AMZ1: variants seen among roughly 807,000 people sequenced by gnomAD.
AMZ1 encodes the protein archaelysin family metallopeptidase 1.
AMZ1 carries 39 observed loss-of-function variants against 29.9 expected under a neutral mutation model. The ratio of observed to expected loss-of-function variants is 1.30; its 90% CI spans 1.01 to 1.70. The LOEUF (loss-of-function observed/expected upper bound fraction) is 1.70, where lower values mean the gene tolerates loss of function less well. Ranked by LOEUF, AMZ1 falls within the 40% of genes most tolerant of loss-of-function variation. The probability of loss-of-function intolerance (pLI) is 0.00; values close to 1 mark genes in which losing one functional copy is unlikely to be tolerated. For missense variants in AMZ1, 1,041 were observed against 680.6 expected (o/e 1.53, Z -5.89); for synonymous variants, 458 against 304.0 (o/e 1.51, Z -5.27).
rs1246649468 is a variant in AMZ1 at position 2,716,180 on chromosome 7, C to A, written c.*3302C>A. Reference sequence around the variant, plus strand: ...TTCTGAAGTGGCTAGAATACACACTCCCACGTCACAGCCATGCTATGATGA... The same window carrying A: ...TTCTGAAGTGGCTAGAATACACACTACCACGTCACAGCCATGCTATGATGA... On this transcript the variant is annotated 3_prime_UTR_variant, in exon 7 of 7. Transcript: ENST00000683327. The A allele has an allele frequency of 6.6e-6, 1 of 152,248 alleles. No individual in the cohort carries two copies. Among genetic ancestry groups the A allele is most frequent in the East Asian group, 1.9e-4 (1 of 5,204 alleles). The allele number at this position is 152,248 out of a possible 1,614,324, so 9.4% of individuals were successfully genotyped here.
intron 4 of AMZ1, among the ~76,000 whole-genome samples, chr7:2,746,009 G>C (rs1160874666): frequency 1.3e-5 from 2 of 152,186 alleles, no homozygotes; most frequent in Non-Finnish European, 2.9e-5. Flanking sequence ...GGAGCACTCA[G>C]ATTCATAAAG....
At chr7:2,710,192 A>C (rs1268876120) in intron 6 of AMZ1, among the ~76,000 whole-genome samples, 1 of 143,090 alleles carries the variant, frequency 7.0e-6, no homozygotes, top group Non-Finnish European at 1.5e-5. Flanking sequence ...ACTGCTGCTC[A>C]GAGGAGGCAC....
Position 2,709,087 on chromosome 7 carries a change from G to T in AMZ1, c.614G>T (p.Cys205Phe). The T allele has an allele frequency of 6.3e-7, 1 of 1,593,792 alleles. No individual in the cohort carries two copies. Among genetic ancestry groups the T allele is most frequent in the African/African-American group, 1.3e-5 (1 of 74,260 alleles). ...CATCTCTCTCCAGAAGTGGGCGTCT[G>T]CAGCTTCGCCCGGTTCTCAGGGGAA... ...KFLPGHEVGV[C>F]SFARFSGEFP... Residue 205 changes from cysteine (C) to phenylalanine (F), a missense_variant, in exon 5 of 7, where the codon TGC becomes TTC. Transcript: ENST00000683327.
chr7:2,684,797 A>T (rs1158089562), upstream of AMZ1, among the ~76,000 whole-genome samples: 2 of 151,198 alleles, frequency 1.3e-5, no homozygotes. Context: ...GGCCCTACTC[A>T]TCTGGGCTTC....
At chr7:2,702,306 T>G (rs1562366013) in intron 2 of AMZ1, 1 of 168,916 alleles carries the variant, frequency 5.9e-6, no homozygotes, top group Non-Finnish European at 1.3e-5. Flanking sequence ...CAGGCTGGCA[T>G]TTTGCAGCCA....
chr7:2,699,473 C>T (rs1180087286), intron 1 of AMZ1, among the ~76,000 whole-genome samples: 3 of 152,186 alleles, frequency 2.0e-5, no homozygotes, highest in Non-Finnish European at 2.9e-5. Flanking sequence ...TCATCTGGAT[C>T]TCGGGCCCTC....
chr7:2,704,383 T>G (rs961852212), intron 3 of AMZ1, among the ~76,000 whole-genome samples: 5 of 152,036 alleles, frequency 3.3e-5, no homozygotes, highest in Admixed American at 1.3e-4. Flanking sequence ...ACATCTATAG[T>G]CTCAGCTACT....
chr7:2,713,273 AC>A lies in AMZ1; in HGVS notation c.*397del, dbSNP rs1168477149. On this transcript the variant is annotated 3_prime_UTR_variant, in exon 7 of 7. Transcript: ENST00000683327. ...AAAAAGTTCTTTGGAGAAGCCACAG[AC>A]CACCTGTCTTCAGGCGCCTCCTTCA... The A allele has an allele frequency of 6.4e-6, 1 of 156,086 alleles. No individual in the cohort carries two copies. Among genetic ancestry groups the A allele is most frequent in the East Asian group, 1.8e-4 (1 of 5,424 alleles). 9.7% of individuals were successfully genotyped at this position (156,086 alleles called of 1,614,324 possible).
At chr7:2,743,262 G>T (rs1206898097) in intron 4 of AMZ1, among the ~76,000 whole-genome samples, 1 of 152,032 alleles carries the variant, frequency 6.6e-6, no homozygotes, top group African/African-American at 2.4e-5. Flanking sequence ...TGGCAGTTTG[G>T]GTCTCACCAA....
At chr7:2,737,710 C>T (rs762635296) in intron 4 of AMZ1, among the ~76,000 whole-genome samples, 3 of 152,224 alleles carry the variant, frequency 2.0e-5, no homozygotes, top group African/African-American at 7.2e-5. Context: ...ATCTAGTTCA[C>T]TCACTTCAAC....
downstream of AMZ1, among the ~76,000 whole-genome samples, chr7:2,720,159 C>T (rs1167828606): frequency 3.3e-5 from 5 of 152,252 alleles, no homozygotes; most frequent in African/African-American, 4.8e-5. Flanking sequence ...CCGTGCAAAG[C>T]GCGGCTCCCC....
At chr7:2,743,606 T>C (rs1790614899) in intron 4 of AMZ1, among the ~76,000 whole-genome samples, 1 of 152,132 alleles carries the variant, frequency 6.6e-6, no homozygotes, top group African/African-American at 2.4e-5. Context: ...GCTCCCAGCG[T>C]GAGCAATGCA....
At chr7:2,692,845 C>T (rs544845274) in intron 1 of AMZ1, among the ~76,000 whole-genome samples, 102 of 152,322 alleles carry the variant, frequency 6.7e-4, no homozygotes, top group African/African-American at 2.4e-3. Context: ...CCCATCTTCC[C>T]CCAATCTCGT....
chr7:2,693,135 G>C (rs1009071865), intron 1 of AMZ1, among the ~76,000 whole-genome samples: 3 of 152,230 alleles, frequency 2.0e-5, no homozygotes, highest in African/African-American at 7.2e-5. Flanking sequence ...AGTTTTTGCT[G>C]TTGTTGCCCA....
At chr7:2,702,957 A>AG in intron 3 of AMZ1, 68 bp downstream of exon 3, 6 of 1,489,686 alleles carry the variant, frequency 4.0e-6, no homozygotes, top group Non-Finnish European at 4.4e-6. Flanking sequence ...GGTGGGAGGA[A>AG]GGCGCCCAGG....
At chr7:2,732,627 T>C (rs798530) in intron 4 of AMZ1, among the ~76,000 whole-genome samples, 88,210 of 152,044 alleles carry the variant, frequency 0.58, 25,825 homozygotes, top group Admixed American at 0.63. Context: ...GGCAGCTTCT[T>C]GCCAAAACAC....
At chr7:2,743,887 C>G (rs532031107) in intron 4 of AMZ1, among the ~76,000 whole-genome samples, 2 of 152,034 alleles carry the variant, frequency 1.3e-5, no homozygotes, top group Non-Finnish European at 2.9e-5. Context: ...GCACCTGGCT[C>G]GGAGGGTCCT....
intron 4 of AMZ1, among the ~76,000 whole-genome samples, chr7:2,726,419 G>C (rs904047515): frequency 6.6e-6 from 1 of 152,196 alleles, no homozygotes; most frequent in East Asian, 1.9e-4. Context: ...CTGGGACATG[G>C]AGAAACCTGT....
rs951507802 is a variant in AMZ1 at position 2,713,586 on chromosome 7, C to T, written c.*708C>T. The T allele has an allele frequency of 8.5e-5, 13 of 152,558 alleles. No individual in the cohort carries two copies. The highest frequency in any genetic ancestry group is 3.1e-4 in the African/African-American group (13 of 41,462). 9.5% of individuals were successfully genotyped at this position (152,558 alleles called of 1,614,324 possible). A position where few individuals can be genotyped will look rare whatever the true frequency, so the allele number is the denominator to read the frequency against. Reference sequence around the variant, plus strand: ...CCCAGCTTCCAAGGCTGAGTCTCCTCCCTAACGGGGAAGTGACGGGGTTTT... The same window carrying T: ...CCCAGCTTCCAAGGCTGAGTCTCCTTCCTAACGGGGAAGTGACGGGGTTTT... On this transcript the variant is annotated 3_prime_UTR_variant, in exon 7 of 7. Coordinates refer to ENST00000683327, the MANE Select transcript of AMZ1 (RefSeq NM_001384743.1).
Sources: gnomAD v4.1 joint callset for allele counts (sites outside exome capture counted in the v4.1 genomes callset) on GRCh38, gnomAD v4.1.1 for gene constraint, MANE v1.5 for transcripts, NCBI Gene and HGNC (gene_info 2026-07-23, HGNC 2026-07-21) for gene names.